The following DLG2 variants were observed in gnomAD, a reference collection of about 807,000 sequenced individuals.
DLG2 encodes disks large homolog 2.
DLG2 carries 45 observed loss-of-function variants against 132.5 expected under a neutral mutation model. The observed-to-expected ratio is 0.34, with a 90% CI of 0.27 to 0.44. The LOEUF (loss-of-function observed/expected upper bound fraction) is 0.44, where lower values mean the gene tolerates loss of function less well. DLG2 is among the 20% of genes least tolerant of loss of function. The probability of loss-of-function intolerance (pLI) is 1.00; values close to 1 mark genes in which losing one functional copy is unlikely to be tolerated. For synonymous variants in DLG2, 424 were observed against 419.6 expected (o/e 1.01, Z -0.13); for missense variants, 1,045 against 1,196.9 (o/e 0.87, Z 1.87).
At chr11:85,143,988 C>T (rs1322234322) in intron 5 of DLG2, among the ~76,000 whole-genome samples, 1 of 151,846 alleles carries the variant, frequency 6.6e-6, no homozygotes, top group East Asian at 1.9e-4. Flanking sequence ...TGTTGATTTT[C>T]TGTCTGGATG....
At chr11:84,872,169 T>A (rs1392109622) in intron 6 of DLG2, among the ~76,000 whole-genome samples, 1 of 152,194 alleles carries the variant, frequency 6.6e-6, no homozygotes, top group Non-Finnish European at 1.5e-5. Flanking sequence ...TGCTACTGAC[T>A]CATCATTAGT....
chr11:83,457,374 C>G lies in DLG2; in HGVS notation c.*2444G>C, dbSNP rs2089180173. The G allele has an allele frequency of 6.6e-6, 1 of 152,588 alleles. No homozygotes were observed. The highest frequency in any genetic ancestry group is 2.4e-5 in the African/African-American group (1 of 41,418). 9.5% of individuals were successfully genotyped at this position (152,588 alleles called of 1,614,324 possible). On this transcript the variant is annotated 3_prime_UTR_variant, in exon 28 of 28. Coordinates refer to ENST00000376104, the MANE Select transcript of DLG2 (RefSeq NM_001142699.3). ...TGTAAATTCTATTGGAAAAGACCCT[C>G]TCACCAATTTGCTTGGTGATTCTTC...
At chr11:83,571,775 G>A (rs1016042642) in intron 19 of DLG2, among the ~76,000 whole-genome samples, 7 of 152,144 alleles carry the variant, frequency 4.6e-5, no homozygotes, top group African/African-American at 1.7e-4. Flanking sequence ...AAAGATGCCA[G>A]AGATTGGTAT....
At chr11:85,143,873 T>C (rs948169900) in intron 5 of DLG2, among the ~76,000 whole-genome samples, 2 of 151,928 alleles carry the variant, frequency 1.3e-5, no homozygotes, top group African/African-American at 4.8e-5. Context: ...GAATGACCCA[T>C]GTGCTGAAAG....
intron 11 of DLG2, among the ~76,000 whole-genome samples, chr11:83,994,391 A>G (rs1009431971): frequency 6.6e-6 from 1 of 152,068 alleles, no homozygotes; most frequent in Admixed American, 6.6e-5. Context: ...GATACTTGAA[A>G]ACTAATTTTT....
intron 11 of DLG2, among the ~76,000 whole-genome samples, chr11:84,055,764 T>C (rs1403192872): frequency 6.6e-6 from 1 of 152,146 alleles, no homozygotes; most frequent in Non-Finnish European, 1.5e-5. Context: ...GTTACATTTA[T>C]TCCTAGTACT....
chr11:85,168,443 C>T (rs1306794731), intron 4 of DLG2, among the ~76,000 whole-genome samples: 1 of 152,002 alleles, frequency 6.6e-6, no homozygotes, highest in Non-Finnish European at 1.5e-5. Context: ...TATAGTTGGA[C>T]AACTACATTT....
At chr11:85,272,932 C>T (rs1444683219) in intron 4 of DLG2, among the ~76,000 whole-genome samples, 2 of 151,986 alleles carry the variant, frequency 1.3e-5, no homozygotes, top group African/African-American at 4.8e-5. Flanking sequence ...CAGAACAGAG[C>T]CCTCAGAAAT....
intron 18 of DLG2, 111 bp from the exon 19 acceptor site, chr11:83,633,436 T>C (rs1013705101): frequency 2.9e-5 from 22 of 765,158 alleles, no homozygotes; most frequent in Non-Finnish European, 5.1e-5. Flanking sequence ...TGCCAAACAA[T>C]GGGGAGATGT....
intron 3 of DLG2, among the ~76,000 whole-genome samples, chr11:85,461,656 T>C (rs1019247860): frequency 2.0e-5 from 3 of 152,180 alleles, no homozygotes; most frequent in African/African-American, 7.2e-5. Flanking sequence ...ATCTTTATTA[T>C]CTCTACTATC....
At chr11:84,607,892 T>C (rs2099588562) in intron 6 of DLG2, among the ~76,000 whole-genome samples, 1 of 152,136 alleles carries the variant, frequency 6.6e-6, no homozygotes, top group Non-Finnish European at 1.5e-5. Flanking sequence ...ACATCCTTTG[T>C]CCTCTGAGAT....
At chr11:84,021,078 T>C (rs1461514814) in intron 11 of DLG2, among the ~76,000 whole-genome samples, 1 of 152,170 alleles carries the variant, frequency 6.6e-6, no homozygotes, top group Non-Finnish European at 1.5e-5. Flanking sequence ...GATGAGTATT[T>C]AACTCTAGAA....
chr11:85,494,408 T>C (rs1565581173), intron 3 of DLG2, among the ~76,000 whole-genome samples: 1 of 152,154 alleles, frequency 6.6e-6, no homozygotes, highest in Non-Finnish European at 1.5e-5. Context: ...CAGCCCAAAA[T>C]CTTGGTTGAT....
intron 7 of DLG2, among the ~76,000 whole-genome samples, chr11:84,276,161 T>C (rs2097781544): frequency 6.6e-6 from 1 of 152,212 alleles, no homozygotes; most frequent in South Asian, 2.1e-4. Context: ...ATAATTCATG[T>C]TCATAAATTC....
chr11:85,050,846 A>G (rs953534918), intron 6 of DLG2, among the ~76,000 whole-genome samples: 23 of 152,078 alleles, frequency 1.5e-4, no homozygotes, highest in African/African-American at 5.6e-4. Flanking sequence ...TAATCTCAAC[A>G]AATTTGTGAT....
intron 18 of DLG2, among the ~76,000 whole-genome samples, chr11:83,652,922 T>C (rs1566313929): frequency 6.6e-6 from 1 of 152,194 alleles, no homozygotes; most frequent in Non-Finnish European, 1.5e-5. Context: ...TTATATATGC[T>C]CTCTTTTAAT....
chr11:85,479,453 A>C (rs80023956), intron 3 of DLG2, among the ~76,000 whole-genome samples: 1 of 152,306 alleles, frequency 6.6e-6, no homozygotes, highest in African/African-American at 2.4e-5. Flanking sequence ...TTGGAGATTA[A>C]GTTTCAACAT....
intron 2 of DLG2, among the ~76,000 whole-genome samples, chr11:85,623,059 C>CAA (rs34802509): frequency 1.7e-5 from 2 of 116,190 alleles, no homozygotes; most frequent in Admixed American, 8.8e-5. Flanking sequence ...CTCTGTCTCC[C>CAA]AAAAAAAAAA....
intron 22 of DLG2, among the ~76,000 whole-genome samples, chr11:83,476,456 C>T (rs544147919): frequency 5.3e-5 from 8 of 152,264 alleles, no homozygotes; most frequent in East Asian, 1.9e-4. Context: ...TCAAGCTACT[C>T]ATTTTACATA....
Sources: allele counts gnomAD v4.1 joint callset (sites outside exome capture counted in the v4.1 genomes callset), GRCh38; gene constraint gnomAD v4.1.1; transcripts MANE v1.5; gene names NCBI Gene and HGNC (gene_info 2026-07-23, HGNC 2026-07-21).